LSP1: variants seen among roughly 807,000 people sequenced by gnomAD.
LSP1 encodes the protein lymphocyte-specific protein 1.
A neutral mutation model predicts 49.3 loss-of-function variants in LSP1; 32 were observed. The ratio of observed to expected loss-of-function variants is 0.65; its 90% CI spans 0.49 to 0.87. LSP1 has a LOEUF of 0.87. Ranked by LOEUF, LSP1 falls within the 40% of genes least tolerant of loss-of-function variation. The pLI is 0.00. For synonymous variants in LSP1, 179 were observed against 178.8 expected, an observed-to-expected ratio of 1.00 and a Z score of -0.01; for missense variants, 428 against 442.6, an observed-to-expected ratio of 0.97 and a Z score of 0.30.
chr11:1,881,421 G>C lies in LSP1; in HGVS notation c.192-11G>C. 1 of 1,561,414 alleles carries C rather than the reference G, an allele frequency of 6.4e-7. No individual in the cohort carries two copies. The highest frequency in any genetic ancestry group is 1.9e-5 in the Admixed American group (1 of 52,562). Reference sequence around the variant, plus strand: ...GCCGCCCAGGCCTAAGCTCCCCCCTGCTACCCTCAGCCTCAGCCTGAAGCC... The same window carrying C: ...GCCGCCCAGGCCTAAGCTCCCCCCTCCTACCCTCAGCCTCAGCCTGAAGCC... On this transcript the variant is annotated splice_polypyrimidine_tract_variant and intron_variant, in intron 2 of 10. Coordinates refer to ENST00000311604, the MANE Select transcript of LSP1 (RefSeq NM_002339.3).
At chr11:1,882,148 C>A (rs1457180025) in intron 3 of LSP1, among the ~76,000 whole-genome samples, 1 of 152,210 alleles carries the variant, frequency 6.6e-6, no homozygotes, top group Non-Finnish European at 1.5e-5. Flanking sequence ...TCAACCCCAA[C>A]AGGCCCAACA....
At position 1,886,812 on chromosome 11, in the gene LSP1, G is replaced by T. The variant is rs1848771558; in HGVS notation, c.798G>T (p.Arg266=). The T allele has an allele frequency of 1.2e-6, 2 of 1,611,876 alleles. No homozygotes were observed. Among genetic ancestry groups the T allele is most frequent in the African/African-American group, 1.3e-5 (1 of 74,986 alleles). ...PSMAVASTKS[R]WETGEVQAQS... ...TGGCTGTGGCCAGTACCAAGAGTCGGTGGGAGACGGGTGAGGTACAGGCTC... is the reference window on the plus strand; with the variant it reads ...TGGCTGTGGCCAGTACCAAGAGTCGTTGGGAGACGGGTGAGGTACAGGCTC... The change falls in exon 8 of 11, where the codon CGG becomes CGT. Residue 266 remains arginine, a synonymous_variant. Transcript: ENST00000311604.
intron 1 of LSP1, among the ~76,000 whole-genome samples, chr11:1,873,880 T>TGGCAGAGCAGGGAGCCC (rs1848161591): frequency 2.4e-5 from 1 of 41,798 alleles, no homozygotes; most frequent in East Asian, 5.6e-4. Context: ...GGAGGGAGGC[T>TGGCAGAGCAGGGAGCCC]GGCAGAGCAG....
chr11:1,865,093 G>A, intron 1 of LSP1: 6 of 565,400 alleles, frequency 1.1e-5, no homozygotes, highest in East Asian at 1.4e-4. Flanking sequence ...GCAGGGGTGC[G>A]GGAGGAGGGC....
chr11:1,876,606 G>T, intron 1 of LSP1: 1 of 985,518 alleles, frequency 1.0e-6, no homozygotes, highest in East Asian at 1.1e-4. Context: ...GGACCGAGCC[G>T]GACACCCATT....
intron 1 of LSP1, among the ~76,000 whole-genome samples, chr11:1,861,895 A>G (rs925693427): frequency 1.5e-5 from 2 of 135,726 alleles, no homozygotes; most frequent in Non-Finnish European, 3.2e-5. Context: ...GAATAGATGG[A>G]TGGGTGAACG....
At chr11:1,883,856 G>C in intron 4 of LSP1, 76 bp from the exon 5 acceptor site, 1 of 1,352,510 alleles carries the variant, frequency 7.4e-7, no homozygotes, top group Non-Finnish European at 1.0e-6. Flanking sequence ...AACAGCATTT[G>C]TTCCCACAGG....
intron 1 of LSP1, among the ~76,000 whole-genome samples, chr11:1,864,703 AAGGGAGACCCACAGTC>A (rs1211203617): frequency 6.6e-6 from 1 of 151,756 alleles, no homozygotes; most frequent in Non-Finnish European, 1.5e-5. Context: ...GGAGAGGGGA[AAGGGAGACCCACAGTC>A]AGGGAGACCC....
chr11:1,872,187 GGC>G (rs1241373232), intron 1 of LSP1, among the ~76,000 whole-genome samples: 4 of 139,036 alleles, frequency 2.9e-5, no homozygotes, highest in Non-Finnish European at 1.5e-5. Context: ...CTGTCCGGCT[GGC>G]GTGGGCACCT....
At chr11:1,883,035 G>T (rs1465314297) in intron 3 of LSP1, among the ~76,000 whole-genome samples, 1 of 152,232 alleles carries the variant, frequency 6.6e-6, no homozygotes, top group African/African-American at 2.4e-5. Context: ...CAGGAGTGGT[G>T]GCCCCAGCAG....
Position 1,883,935 on chromosome 11 carries a change from C to T in LSP1, c.502C>T (p.Gln168Ter). 6.2e-7 allele frequency: 1 copy of T among 1,602,978 alleles called. No individual in the cohort carries two copies. Among genetic ancestry groups the T allele is most frequent in the South Asian group, 1.1e-5 (1 of 89,406 alleles). Residue 168 changes from glutamine to a stop codon, truncating the protein, a stop_gained, in exon 5 of 11, where the codon CAG becomes TAG. Transcript: ENST00000311604. LOFTEE classifies it high-confidence loss of function. ...AGAEEEQEEHQKCQQPRTPSP... is the reference protein window; with the variant it reads ...AGAEEEQEEH Reference sequence around the variant, plus strand: ...ATGTCTGTTTTTTTTTTTCTAGCACCAGAAATGTCAGCAGCCCAGGACACC... The same window carrying T: ...ATGTCTGTTTTTTTTTTTCTAGCACTAGAAATGTCAGCAGCCCAGGACACC...
At chr11:1,856,001 G>A (rs866838049) in intron 1 of LSP1, among the ~76,000 whole-genome samples, 6 of 152,316 alleles carry the variant, frequency 3.9e-5, no homozygotes, top group South Asian at 4.1e-4. Flanking sequence ...CTCTGCAGGG[G>A]TGTACCCTCC....
At chr11:1,871,869 C>G (rs1334543704) in intron 1 of LSP1, among the ~76,000 whole-genome samples, 1 of 138,500 alleles carries the variant, frequency 7.2e-6, no homozygotes, top group Non-Finnish European at 1.5e-5. Flanking sequence ...TGTAGTCACC[C>G]TGGCGCACGC....
In LSP1 at chr11:1,883,970, G is replaced by A; in HGVS notation, c.537G>A (p.Leu179=). Residue 179 remains leucine (L), a synonymous_variant, in exon 5 of 11, where the codon TTG becomes TTA. Transcript: ENST00000311604. ...AGCAGCCCAGGACACCCAGCCCCTTGGTCTTGGAGGGGACCATCGAACAGA... is the reference window on the plus strand; with the variant it reads ...AGCAGCCCAGGACACCCAGCCCCTTAGTCTTGGAGGGGACCATCGAACAGA... The part of the protein sequence containing the change: ...KCQQPRTPSP[L]VLEGTIEQSS... The A allele has an allele frequency of 1.2e-6, 2 of 1,611,768 alleles. No homozygotes were observed. Among genetic ancestry groups the A allele is most frequent in the East Asian group, 2.2e-5 (1 of 44,848 alleles).
intron 1 of LSP1, chr11:1,868,738 G>A (rs957719635): frequency 1.0e-6 from 1 of 985,730 alleles, no homozygotes; most frequent in Non-Finnish European, 1.2e-6. Context: ...CAGCAGCAGG[G>A]GTGCAGGGAC....
chr11:1,889,914 G>A, intron 10 of LSP1: 2 of 626,948 alleles, frequency 3.2e-6, no homozygotes, highest in Non-Finnish European at 2.9e-6. Context: ...GTGAGCCACT[G>A]GGACCAGGGG....
chr11:1,883,893 G>A (rs1409544317), intron 4 of LSP1, 39 bp from the exon 5 acceptor site: 1 of 1,560,400 alleles, frequency 6.4e-7, no homozygotes. Context: ...AGGGGCACAA[G>A]CAGGGGGTCA....
In LSP1 at chr11:1,884,021, C is replaced by T. The variant is rs1359615932; in HGVS notation, c.588C>T (p.Thr196=). The part of the protein sequence containing the change: ...EQSSPPLSPT[T]KLIDRTESLN... ...GCTCGCCTCCCCTGAGCCCTACCACCAAAGTAAGTTAAGCTGCAAAGCCTG... is the reference window on the plus strand; with the variant it reads ...GCTCGCCTCCCCTGAGCCCTACCACTAAAGTAAGTTAAGCTGCAAAGCCTG... Residue 196 remains threonine (T), a synonymous_variant, in exon 5 of 11, where the codon ACC becomes ACT. Coordinates refer to ENST00000311604, the MANE Select transcript of LSP1 (RefSeq NM_002339.3). The surrounding 1 kb of genome is among the most constrained non-coding windows in gnomAD (Gnocchi z 4.1). 1 of 1,610,330 alleles carries T rather than the reference C, an allele frequency of 6.2e-7. No homozygotes were observed. The highest frequency in any genetic ancestry group is 1.7e-5 in the Admixed American group (1 of 58,980).
chr11:1,881,292 A>G, intron 2 of LSP1, 140 bp from the exon 3 acceptor site: 4 of 807,840 alleles, frequency 5.0e-6, no homozygotes, highest in Non-Finnish European at 5.6e-6. Context: ...CAGGAGACAC[A>G]GCCCAGAGCC....
Sources: allele counts gnomAD v4.1 joint callset (sites outside exome capture counted in the v4.1 genomes callset), GRCh38; gene constraint gnomAD v4.1.1; non-coding constraint Gnocchi (gnomAD v3.1); transcripts MANE v1.5; gene names NCBI Gene and HGNC (gene_info 2026-07-23, HGNC 2026-07-21).